Variants in SULF2 observed in about 807,000 individuals in gnomAD.
SULF2 encodes the protein sulfatase 2.
A neutral mutation model predicts 107.7 loss-of-function variants in SULF2; 52 were observed. The observed-to-expected ratio is 0.48, with a 90% CI of 0.39 to 0.61. The LOEUF (loss-of-function observed/expected upper bound fraction) is 0.61. Among genes scored for constraint, SULF2 ranks in the 20% least tolerant of loss-of-function variants. The probability of loss-of-function intolerance (pLI) is 0.00; values close to 1 mark genes in which losing one functional copy is unlikely to be tolerated. For missense variants in SULF2, 993 were observed against 1,177.3 expected (o/e 0.84, Z 2.29); for synonymous variants, 460 against 464.3 (o/e 0.99, Z 0.12).
intron 2 of SULF2, among the ~76,000 whole-genome samples, chr20:47,748,002 C>T (rs1480424442): frequency 2.6e-5 from 4 of 152,206 alleles, no homozygotes; most frequent in East Asian, 1.9e-4. Context: ...TCCCTGCTTC[C>T]GCTCTTGTCC....
chr20:47,661,422 C>T (rs2087062081), intron 18 of SULF2: 1 of 167,164 alleles, frequency 6.0e-6, no homozygotes, highest in Admixed American at 6.4e-5. Flanking sequence ...ACAACACTGG[C>T]TCCACACAAG....
chr20:47,760,265 C>T (rs552309339), intron 1 of SULF2, among the ~76,000 whole-genome samples: 9 of 152,140 alleles, frequency 5.9e-5, no homozygotes, highest in Non-Finnish European at 1.2e-4. Flanking sequence ...ACAGATGGCA[C>T]GGTCGGCACG....
intron 11 of SULF2, among the ~76,000 whole-genome samples, chr20:47,668,588 T>A (rs893204151): frequency 2.6e-5 from 4 of 152,332 alleles, no homozygotes; most frequent in African/African-American, 9.6e-5. Flanking sequence ...AGCACATGTG[T>A]GGCCCCGGCG....
At chr20:47,700,890 C>G (rs535720089) in intron 4 of SULF2, among the ~76,000 whole-genome samples, 1 of 152,252 alleles carries the variant, frequency 6.6e-6, no homozygotes, top group East Asian at 1.9e-4. Flanking sequence ...AAGTGATCCA[C>G]CCGCCTCAGT....
chr20:47,760,724 C>A (rs1392095698), intron 1 of SULF2, among the ~76,000 whole-genome samples: 2 of 152,194 alleles, frequency 1.3e-5, no homozygotes, highest in Non-Finnish European at 2.9e-5. Flanking sequence ...TGCCTCCTTC[C>A]CAGGTGGCTC....
chr20:47,745,279 G>C (rs1273710913), intron 2 of SULF2, among the ~76,000 whole-genome samples: 1 of 149,344 alleles, frequency 6.7e-6, no homozygotes, highest in Non-Finnish European at 1.5e-5. Flanking sequence ...TATTAACCAG[G>C]TACCTTGTGC....
intron 3 of SULF2, among the ~76,000 whole-genome samples, chr20:47,712,098 T>C (rs1175274529): frequency 1.3e-5 from 2 of 152,140 alleles, no homozygotes; most frequent in Admixed American, 6.5e-5. Flanking sequence ...AAGACAGAAA[T>C]GCATCTTGCT....
At chr20:47,747,012 T>TACAC (rs773202421) in intron 2 of SULF2, among the ~76,000 whole-genome samples, 3 of 100,640 alleles carry the variant, frequency 3.0e-5, no homozygotes, top group East Asian at 2.4e-4. Flanking sequence ...TATATATATA[T>TACAC]ATATATACAC....
At chr20:47,701,928 G>A (rs373783869) in intron 4 of SULF2, among the ~76,000 whole-genome samples, 2 of 152,200 alleles carry the variant, frequency 1.3e-5, no homozygotes, top group Admixed American at 1.3e-4. Flanking sequence ...ACACATGTCC[G>A]TTCAGTGTGC....
At chr20:47,767,003 G>T (rs1234702051) in intron 1 of SULF2, among the ~76,000 whole-genome samples, 2 of 151,946 alleles carry the variant, frequency 1.3e-5, no homozygotes, top group African/African-American at 4.8e-5. Context: ...CTGACAAACA[G>T]CGGACAGAGG....
chr20:47,678,966 C>T lies in SULF2; in HGVS notation c.1065-162G>A, dbSNP rs530947944. Among the ~76,000 whole-genome samples the T allele has an allele frequency of 1.1e-4, 17 of 152,046 alleles. No individual in the cohort carries two copies. In the East Asian group the frequency reaches 2.7e-3, roughly 24 times the overall value. Reference sequence around the variant, plus strand: ...CCTCAACCTCAGCAGCTCCCCTCTGCGGCCCAGATTCAGCTGAACCCCCAC... The same window carrying T: ...CCTCAACCTCAGCAGCTCCCCTCTGTGGCCCAGATTCAGCTGAACCCCCAC... On this transcript the variant is annotated intron_variant, in intron 7 of 20. Coordinates refer to ENST00000688720, the MANE Select transcript of SULF2 (RefSeq NM_001387048.1). The surrounding 1 kb of genome is among the most constrained non-coding windows in gnomAD (Gnocchi z 4.5).
intron 1 of SULF2, among the ~76,000 whole-genome samples, chr20:47,771,178 C>T (rs1487294013): frequency 6.6e-6 from 1 of 152,136 alleles, no homozygotes; most frequent in Non-Finnish European, 1.5e-5. Context: ...CGGGGCTGGG[C>T]GTTTGTGCTC....
intron 3 of SULF2, among the ~76,000 whole-genome samples, chr20:47,705,142 G>A (rs1010194245): frequency 6.6e-6 from 1 of 152,210 alleles, no homozygotes; most frequent in Non-Finnish European, 1.5e-5. Context: ...ATCATGCAGG[G>A]CCGGGAGGTG....
chr20:47,676,787 A>G, intron 9 of SULF2, 164 bp from the exon 10 acceptor site: 1 of 807,112 alleles, frequency 1.2e-6, no homozygotes, highest in Admixed American at 2.9e-5. Context: ...AGGAAACTTA[A>G]GACATTGGAA....
At chr20:47,781,636 C>T (rs2090835081) in intron 1 of SULF2, among the ~76,000 whole-genome samples, 1 of 152,152 alleles carries the variant, frequency 6.6e-6, no homozygotes, top group Admixed American at 6.5e-5. Flanking sequence ...CAGTCAATGC[C>T]TACTGAAGGC....
chr20:47,673,931 C>G (rs183684169), intron 10 of SULF2, among the ~76,000 whole-genome samples: 1 of 152,234 alleles, frequency 6.6e-6, no homozygotes, highest in Non-Finnish European at 1.5e-5. Context: ...ACTTAGCTCT[C>G]TCTGCCTGGA....
At chr20:47,709,631 A>G (rs1166745598) in intron 3 of SULF2, among the ~76,000 whole-genome samples, 1 of 152,208 alleles carries the variant, frequency 6.6e-6, no homozygotes, top group South Asian at 2.1e-4. Flanking sequence ...AACTGCAGCG[A>G]GTCAGCCCTG....
At chr20:47,676,418 GCT>G in intron 10 of SULF2, 74 bp downstream of exon 10, 1 of 1,526,768 alleles carries the variant, frequency 6.5e-7, no homozygotes, top group Non-Finnish European at 8.8e-7. Flanking sequence ...TGGCTCAGCG[GCT>G]CTCAGAGCCT....
chr20:47,661,934 A>G (rs754166305), intron 17 of SULF2, 38 bp from the exon 18 acceptor site: 2 of 1,490,316 alleles, frequency 1.3e-6, no homozygotes, highest in Admixed American at 1.9e-5. Flanking sequence ...CAAGGTAAGT[A>G]CAGGGACTCT....
Sources: gnomAD v4.1 joint callset for allele counts (sites outside exome capture counted in the v4.1 genomes callset) on GRCh38, gnomAD v4.1.1 for gene constraint, Gnocchi (gnomAD v3.1) non-coding constraint, MANE v1.5 for transcripts, NCBI Gene and HGNC (gene_info 2026-07-23, HGNC 2026-07-21) for gene names.